Variants in MGST1 observed in about 807,000 individuals in gnomAD.
The protein encoded by MGST1 is microsomal glutathione S-transferase 1, also known as glutathione S-transferase 12.
In MGST1, 5 loss-of-function variants were observed where a neutral mutation model predicts 8.9. The ratio of observed to expected loss-of-function variants is 0.56; its 90% CI spans 0.29 to 1.19. The LOEUF is 1.19. Among genes scored for constraint, MGST1 ranks in the 50% most tolerant of loss-of-function variants. MGST1 has a pLI of 0.08. For missense variants in MGST1, 182 were observed against 187.4 expected (o/e 0.97, Z 0.17); for synonymous variants, 54 against 67.8 (o/e 0.80, Z 1.00).
At chr12:16,492,018 T>G (rs1336592682) in intron 4 of MGST1, among the ~76,000 whole-genome samples, 2 of 152,152 alleles carry the variant, frequency 1.3e-5, no homozygotes, top group Non-Finnish European at 2.9e-5. Flanking sequence ...TTATCATTAT[T>G]TAAAGCACAT....
intron 1 of MGST1, among the ~76,000 whole-genome samples, chr12:16,407,400 A>G (rs772119609): frequency 6.6e-6 from 1 of 152,190 alleles, no homozygotes; most frequent in Non-Finnish European, 1.5e-5. Context: ...ATTATTAAAA[A>G]GCCAAAAAAT....
rs540131619 is a variant in MGST1, at chr12:16,585,628, G to A, written n.483-3900G>A. Reference sequence around the variant, plus strand: ...ATGTTCCCACCTGTATTTTCTTTCCGTTGAAGTCCACCCATTCCAATTATT... The same window carrying A: ...ATGTTCCCACCTGTATTTTCTTTCCATTGAAGTCCACCCATTCCAATTATT... On this transcript the variant is annotated intron_variant and non_coding_transcript_variant, in intron 4 of 4. Coordinates refer to the MGST1 transcript ENST00000538857. The surrounding 1 kb of genome is among the most constrained non-coding windows in gnomAD (Gnocchi z 4.7). 5.9e-5 allele frequency among the ~76,000 whole-genome samples: 9 copies of A among 152,058 alleles called. No individual in the cohort carries two copies. Among genetic ancestry groups the A allele is most frequent in the South Asian group, 2.1e-4 (1 of 4,822 alleles).
intron 4 of MGST1, among the ~76,000 whole-genome samples, chr12:16,499,231 A>C: frequency 6.6e-6 from 1 of 152,200 alleles, no homozygotes; most frequent in East Asian, 1.9e-4. Flanking sequence ...TACGTGGGTA[A>C]ATGCATAAAA....
chr12:16,545,099 G>T (rs952132492), intron 4 of MGST1, among the ~76,000 whole-genome samples: 6 of 151,944 alleles, frequency 3.9e-5, no homozygotes, highest in Non-Finnish European at 7.4e-5. Context: ...GAGAATTTTT[G>T]TCTGTTTTTA....
chr12:16,429,225 A>G (rs1006828446), intron 1 of MGST1, among the ~76,000 whole-genome samples: 2 of 152,174 alleles, frequency 1.3e-5, no homozygotes, highest in South Asian at 2.1e-4. Flanking sequence ...TTTATTGCAC[A>G]TTTACATAAA....
At chr12:16,355,204 C>CT (rs5796668) in intron 2 of MGST1, among the ~76,000 whole-genome samples, 1,701 of 125,176 alleles carry the variant, frequency 0.014, 40 homozygotes, top group African/African-American at 0.038. Context: ...TTCCTTGTTA[C>CT]TTTTTTTTTT....
In MGST1 at chr12:16,548,500, C is replaced by T. The variant is rs771329473; in HGVS notation, n.483-41028C>T. 1.3e-5 allele frequency: 2 copies of T among 152,150 alleles called. No individual in the cohort carries two copies. The highest frequency in any genetic ancestry group is 1.5e-5 in the Non-Finnish European group (1 of 68,022). 9.4% of individuals were successfully genotyped at this position (152,150 alleles called of 1,614,324 possible). ...CACAGGTCAACTTTTAAACTCAGCA[C>T]TCTGTTGGAGTGGAGGTGCACGGTC... On this transcript the variant is annotated intron_variant and non_coding_transcript_variant, in intron 4 of 4. Transcript: ENST00000538857. The surrounding 1 kb of genome is among the most constrained non-coding windows in gnomAD (Gnocchi z 4.2).
chr12:16,519,077 C>T (rs1941632875), intron 4 of MGST1, among the ~76,000 whole-genome samples: 1 of 152,168 alleles, frequency 6.6e-6, no homozygotes, highest in African/African-American at 2.4e-5. Flanking sequence ...GGCTCTGGAA[C>T]CAATAGAGCT....
At chr12:16,514,442 G>T in intron 4 of MGST1, 1 of 271,740 alleles carries the variant, frequency 3.7e-6, no homozygotes, top group South Asian at 3.8e-5. Flanking sequence ...TTAGCATGCA[G>T]ACTCAGCTGG....
intron 4 of MGST1, among the ~76,000 whole-genome samples, chr12:16,447,817 A>T (rs531231025): frequency 6.6e-6 from 1 of 151,974 alleles, no homozygotes; most frequent in Non-Finnish European, 1.5e-5. Context: ...TCTAAAGCCT[A>T]CAAAGAGTTC....
chr12:16,566,338 A>C (rs1046365796), intron 4 of MGST1, among the ~76,000 whole-genome samples: 12 of 151,900 alleles, frequency 7.9e-5, no homozygotes, highest in Admixed American at 3.3e-4. Flanking sequence ...GTTATTGCAC[A>C]GTAGGGTGAC....
intron 1 of MGST1, among the ~76,000 whole-genome samples, chr12:16,397,594 C>T (rs532541302): frequency 6.6e-6 from 1 of 151,540 alleles, no homozygotes; most frequent in African/African-American, 2.4e-5. Context: ...AAACAAACAA[C>T]AAAGAGTCCC....
chr12:16,347,321 T>C (rs1308191219), upstream of MGST1: 1 of 152,226 alleles, frequency 6.6e-6, no homozygotes, highest in Non-Finnish European at 1.5e-5. This position sits in a 1 kb window ranked among gnomAD's most constrained non-coding sequence, Gnocchi z 4.0. Context: ...CCTGGAGATT[T>C]TAACTTTCTG....
intron 1 of MGST1, among the ~76,000 whole-genome samples, chr12:16,411,882 C>T (rs901544050): frequency 6.6e-6 from 1 of 152,064 alleles, no homozygotes; most frequent in Non-Finnish European, 1.5e-5. Flanking sequence ...GTTCTATGGT[C>T]ATTACAGAGT....
chr12:16,467,155 A>C (rs1487154702), intron 4 of MGST1, among the ~76,000 whole-genome samples: 2 of 152,258 alleles, frequency 1.3e-5, no homozygotes, highest in East Asian at 3.8e-4. Context: ...CTAGAAGGTC[A>C]ATGTAATACC....
At chr12:16,415,474 C>T (rs936277806) in intron 1 of MGST1, among the ~76,000 whole-genome samples, 3 of 152,158 alleles carry the variant, frequency 2.0e-5, no homozygotes, top group African/African-American at 7.2e-5. Flanking sequence ...AGACCAACTC[C>T]TCTACTTCCT....
intron 4 of MGST1, among the ~76,000 whole-genome samples, chr12:16,502,129 T>C (rs1243510337): frequency 6.6e-6 from 1 of 152,188 alleles, no homozygotes; most frequent in African/African-American, 2.4e-5. Context: ...ACAAAAATAA[T>C]TAGAAACACA....
rs570329644 is a variant in MGST1 at position 16,449,893 on chromosome 12, G to C, written n.482+66289G>C. On this transcript the variant is annotated intron_variant and non_coding_transcript_variant, in intron 4 of 4. Transcript: ENST00000538857. The stretch of plus-strand genomic sequence containing the variant: ...CTGCAGTTTTCTCTCCACCTCATTG[G>C]AATTGTGGGAACTTTTATTGAGTGG... 3.9e-5 allele frequency among the ~76,000 whole-genome samples: 6 copies of C among 151,994 alleles called. No homozygotes were observed. The South Asian group carries it at 6.2e-4, about 16-fold the overall frequency.
At chr12:16,368,799 T>G (rs914345120), downstream of MGST1, among the ~76,000 whole-genome samples, 2 of 152,104 alleles carry the variant, frequency 1.3e-5, no homozygotes, top group South Asian at 4.1e-4. Flanking sequence ...AGCCGTAAAA[T>G]GGAGAGATAG....
Sources: gnomAD v4.1 joint callset for allele counts (sites outside exome capture counted in the v4.1 genomes callset) on GRCh38, gnomAD v4.1.1 for gene constraint, Gnocchi (gnomAD v3.1) non-coding constraint, MANE v1.5 for transcripts, NCBI Gene and HGNC (gene_info 2026-07-23, HGNC 2026-07-21) for gene names.